SGK1: variants seen among roughly 807,000 people sequenced by gnomAD.
SGK1 encodes serum/glucocorticoid regulated kinase 1.
A neutral mutation model predicts 64.2 loss-of-function variants in SGK1; 26 were observed. The observed-to-expected ratio is 0.40, with a 90% CI of 0.30 to 0.56. The LOEUF is 0.56. SGK1 is among the 20% of genes least tolerant of loss of function. The pLI, the probability that SGK1 is intolerant of heterozygous loss-of-function variation, is 0.38. For missense variants in SGK1, 519 were observed against 645.6 expected, an observed-to-expected ratio of 0.80 and a Z score of 2.12; for synonymous variants, 265 against 239.7, an observed-to-expected ratio of 1.11 and a Z score of -0.98.
chr6:134,246,232 T>C (rs1419403986), intron 2 of SGK1, among the ~76,000 whole-genome samples: 1 of 152,028 alleles, frequency 6.6e-6, no homozygotes, highest in African/African-American at 2.4e-5. Flanking sequence ...CACTGCAACC[T>C]CTGCCTCCCA....
intron 3 of SGK1, among the ~76,000 whole-genome samples, chr6:134,187,198 A>G (rs543277586): frequency 1.3e-5 from 2 of 152,246 alleles, no homozygotes; most frequent in East Asian, 1.9e-4. Flanking sequence ...AGCCAACATC[A>G]TAACTCCCTT....
intron 1 of SGK1, among the ~76,000 whole-genome samples, chr6:134,299,746 A>G (rs1777417480): frequency 6.6e-6 from 1 of 151,594 alleles, no homozygotes; most frequent in South Asian, 2.1e-4. Flanking sequence ...ATTCTAGTTT[A>G]GGCATTTCCT....
chr6:134,181,983 A>G (rs890770665), intron 3 of SGK1, among the ~76,000 whole-genome samples: 19 of 151,620 alleles, frequency 1.3e-4, no homozygotes, highest in African/African-American at 4.6e-4. Flanking sequence ...TCAGACTCTC[A>G]AGTAGCTGGG....
intron 3 of SGK1, among the ~76,000 whole-genome samples, chr6:134,193,725 G>C (rs1281645863): frequency 7.0e-6 from 1 of 142,350 alleles, no homozygotes; most frequent in African/African-American, 2.7e-5. Flanking sequence ...TGGGTACAGT[G>C]CCTAAGCTAG....
intron 2 of SGK1, among the ~76,000 whole-genome samples, chr6:134,214,415 A>AC (rs1775943389): frequency 6.6e-6 from 1 of 152,096 alleles, no homozygotes; most frequent in African/African-American, 2.4e-5. Context: ...GCATGGTGAA[A>AC]CCCCGTCTCT....
intron 1 of SGK1, among the ~76,000 whole-genome samples, chr6:134,280,198 CAAAAAAAAAAA>C (rs1228218844): frequency 1.6e-5 from 1 of 64,258 alleles, no homozygotes; most frequent in African/African-American, 6.4e-5. Flanking sequence ...GACACTGTCT[CAAAAAAAAAAA>C]AAAAAAAAAA....
intron 2 of SGK1, among the ~76,000 whole-genome samples, chr6:134,231,307 A>G (rs1034859568): frequency 1.3e-5 from 2 of 151,822 alleles, no homozygotes; most frequent in Admixed American, 6.6e-5. Context: ...CTTTGTCCAC[A>G]TATATTAAAT....
At chr6:134,177,672 G>T in intron 3 of SGK1, 2 of 1,613,816 alleles carry the variant, frequency 1.2e-6, no homozygotes, top group Non-Finnish European at 1.7e-6. Flanking sequence ...CCTTTCAAAG[G>T]GGGTTTTATA....
chr6:134,211,201 T>G (rs1428998003), intron 2 of SGK1, among the ~76,000 whole-genome samples: 5 of 152,194 alleles, frequency 3.3e-5, no homozygotes, highest in Non-Finnish European at 7.3e-5. Context: ...CTAGAATAGA[T>G]TGCCATCCTA....
chr6:134,194,738 G>A (rs903210808), intron 3 of SGK1, among the ~76,000 whole-genome samples: 2 of 152,032 alleles, frequency 1.3e-5, no homozygotes, highest in Admixed American at 6.6e-5. Context: ...GGCCAGGCTG[G>A]TCTTGAAGTC....
intron 1 of SGK1, among the ~76,000 whole-genome samples, chr6:134,307,126 T>C (rs1777546738): frequency 6.6e-6 from 1 of 152,330 alleles, no homozygotes; most frequent in East Asian, 1.9e-4. Flanking sequence ...AGATCAGTTC[T>C]GAAGGGTTAA....
At chr6:134,256,852 C>A (rs967267198) in intron 2 of SGK1, among the ~76,000 whole-genome samples, 1 of 152,176 alleles carries the variant, frequency 6.6e-6, no homozygotes, top group African/African-American at 2.4e-5. Flanking sequence ...ATTATGAATA[C>A]CCTTGTTTCT....
At position 134,170,902 on chromosome 6, in the gene SGK1, C is replaced by T. The variant is rs768119116; in HGVS notation, c.1337G>A (p.Ser446Asn). The stretch of plus-strand genomic sequence containing the variant: ...GTTAATTAAGGAGAAGAAGACATGA[C>T]TCTTAATCTCCATCTGTTGATAAGA... The part of the protein sequence containing the change: ...GAKDDFMEIK[S>N]HVFFSLINWD... The change falls in exon 13 of 14, where the codon AGT (serine) becomes AAT (asparagine). Residue 446 changes from serine (S) to asparagine (N), a missense_variant. Ser to Asn is a conservative substitution (Grantham distance 46). Around this residue, in one of 2 missense-constraint regions of SGK1, gnomAD observed 278 missense variants for 408.7 expected, o/e 0.68. Transcript: ENST00000367858. 4.3e-6 allele frequency: 7 copies of T among 1,609,910 alleles called. No individual in the cohort carries two copies. The highest frequency in any genetic ancestry group is 6.0e-6 in the Non-Finnish European group (7 of 1,176,236).
intron 1 of SGK1, among the ~76,000 whole-genome samples, chr6:134,313,026 C>A (rs1282632662): frequency 6.6e-6 from 1 of 152,170 alleles, no homozygotes; most frequent in Non-Finnish European, 1.5e-5. Context: ...GCCTGCCTAA[C>A]CCTCCCAAAG....
At chr6:134,194,803 G>T (rs1231332656) in intron 3 of SGK1, among the ~76,000 whole-genome samples, 3 of 152,152 alleles carry the variant, frequency 2.0e-5, no homozygotes, top group South Asian at 4.1e-4. Flanking sequence ...GATTACAGGC[G>T]TGAACCACTG....
chr6:134,301,966 G>C (rs1777465360), intron 1 of SGK1, among the ~76,000 whole-genome samples: 1 of 152,190 alleles, frequency 6.6e-6, no homozygotes, highest in Non-Finnish European at 1.5e-5. Flanking sequence ...CGAAACAAAA[G>C]AGCTTGATAG....
intron 1 of SGK1, among the ~76,000 whole-genome samples, chr6:134,307,956 A>G (rs985668435): frequency 2.0e-5 from 3 of 152,212 alleles, no homozygotes; most frequent in Admixed American, 1.3e-4. Context: ...GCACACAGAC[A>G]GAACTGTGAA....
intron 2 of SGK1, among the ~76,000 whole-genome samples, chr6:134,245,879 A>G (rs1776517592): frequency 6.6e-6 from 1 of 152,248 alleles, no homozygotes; most frequent in South Asian, 2.1e-4. Context: ...TAAGCAAAGA[A>G]ATAAGTACCT....
chr6:134,219,372 T>C (rs1204462899), intron 2 of SGK1, among the ~76,000 whole-genome samples: 1 of 152,120 alleles, frequency 6.6e-6, no homozygotes, highest in Non-Finnish European at 1.5e-5. Flanking sequence ...CCACTTCGCC[T>C]ATTTAAATTT....
Sources: gnomAD v4.1 joint callset for allele counts (sites outside exome capture counted in the v4.1 genomes callset) on GRCh38, gnomAD v4.1.1 for gene constraint, gnomAD v4.1.1 regional missense constraint, MANE v1.5 for transcripts, NCBI Gene and HGNC (gene_info 2026-07-23, HGNC 2026-07-21) for gene names.